PDE4D: variants seen among roughly 807,000 people sequenced by gnomAD.
The protein encoded by PDE4D is phosphodiesterase 4D.
A neutral mutation model predicts 87.4 loss-of-function variants in PDE4D; 24 were observed. The ratio of observed to expected loss-of-function variants is 0.27; its 90% CI spans 0.20 to 0.39. The LOEUF (loss-of-function observed/expected upper bound fraction) is 0.39, where lower values mean the gene tolerates loss of function less well. PDE4D is among the 10% of genes least tolerant of loss of function. The probability of loss-of-function intolerance (pLI) is 1.00; values close to 1 mark genes in which losing one functional copy is unlikely to be tolerated. For missense variants in PDE4D, 714 were observed against 1,041.0 expected (o/e 0.69, Z 4.32); for synonymous variants, 384 against 383.2 (o/e 1.00, Z -0.02).
At chr5:60,227,751 A>G (rs2149614494) in intron 1 of PDE4D, among the ~76,000 whole-genome samples, 1 of 152,162 alleles carries the variant, frequency 6.6e-6, no homozygotes, top group South Asian at 2.1e-4. Flanking sequence ...CACACAAAGG[A>G]TAGATTTATT....
intron 2 of PDE4D, among the ~76,000 whole-genome samples, chr5:60,145,911 T>C (rs1273827395): frequency 6.6e-6 from 1 of 152,202 alleles, no homozygotes; most frequent in Non-Finnish European, 1.5e-5. Context: ...ATCTTTCAAC[T>C]AGGTTATAAA....
intron 5 of PDE4D, among the ~76,000 whole-genome samples, chr5:59,068,460 T>C (rs1177610914): frequency 2.0e-5 from 3 of 152,182 alleles, no homozygotes; most frequent in East Asian, 1.9e-4. Context: ...CACTGACAGA[T>C]GCTGGATTCA....
At chr5:60,442,741 C>T (rs567660465) in intron 1 of PDE4D, among the ~76,000 whole-genome samples, 16 of 152,168 alleles carry the variant, frequency 1.1e-4, no homozygotes, top group African/African-American at 3.9e-4. Context: ...CAGCAAACAA[C>T]TCATTCTTAG....
intron 1 of PDE4D, among the ~76,000 whole-genome samples, chr5:59,553,321 G>A (rs917729883): frequency 6.6e-6 from 1 of 152,074 alleles, no homozygotes; most frequent in Non-Finnish European, 1.5e-5. Context: ...ATTTTAGGAG[G>A]TGAGAAATAA....
chr5:60,186,007 T>C (rs2149511424), intron 1 of PDE4D, among the ~76,000 whole-genome samples: 1 of 151,586 alleles, frequency 6.6e-6, no homozygotes, highest in South Asian at 2.1e-4. Context: ...GCAAACTGAA[T>C]TGTGTATATG....
intron 11 of PDE4D, among the ~76,000 whole-genome samples, chr5:58,982,320 C>G (rs535094341): frequency 2.0e-5 from 3 of 152,248 alleles, no homozygotes; most frequent in Admixed American, 6.5e-5. Flanking sequence ...TGCCTCCTAG[C>G]TGAGTAACTG....
chr5:59,168,960 G>T (rs1782324151), intron 5 of PDE4D, among the ~76,000 whole-genome samples: 1 of 152,168 alleles, frequency 6.6e-6, no homozygotes, highest in African/African-American at 2.4e-5. Context: ...GGTTTAAAAA[G>T]ATTACTCATC....
chr5:60,503,944 C>T (rs1329764903), intron 1 of PDE4D, among the ~76,000 whole-genome samples: 1 of 152,072 alleles, frequency 6.6e-6, no homozygotes, highest in Non-Finnish European at 1.5e-5. Context: ...TGACAAGTCA[C>T]ATGATAAGCA....
At chr5:60,254,922 A>C (rs974513206) in intron 1 of PDE4D, among the ~76,000 whole-genome samples, 1 of 151,900 alleles carries the variant, frequency 6.6e-6, no homozygotes, top group African/African-American at 2.4e-5. Flanking sequence ...TAATACAGCT[A>C]TTAATATACA....
At chr5:59,304,344 G>C (rs1431161961) in intron 1 of PDE4D, among the ~76,000 whole-genome samples, 1 of 152,080 alleles carries the variant, frequency 6.6e-6, no homozygotes, top group Non-Finnish European at 1.5e-5. Flanking sequence ...TCAGCAAACA[G>C]TGACAGTTTG....
chr5:59,983,277 C>T (rs1176479700), intron 3 of PDE4D, among the ~76,000 whole-genome samples: 1 of 152,108 alleles, frequency 6.6e-6, no homozygotes, highest in Admixed American at 6.6e-5. Flanking sequence ...AGTGAAATTG[C>T]TCTGCAGGTT....
chr5:59,105,613 T>C (rs1401271393), intron 5 of PDE4D, among the ~76,000 whole-genome samples: 1 of 152,178 alleles, frequency 6.6e-6, no homozygotes, highest in Non-Finnish European at 1.5e-5. Context: ...TAATTGTTAA[T>C]AGTATTATAA....
At chr5:59,658,295 T>C (rs1458404319) in intron 1 of PDE4D, among the ~76,000 whole-genome samples, 1 of 152,056 alleles carries the variant, frequency 6.6e-6, no homozygotes, top group African/African-American at 2.4e-5. Context: ...GTCTCACACC[T>C]AGAAAGTGTT....
chr5:59,876,145 T>C (rs1004954132), intron 1 of PDE4D, among the ~76,000 whole-genome samples: 1 of 152,216 alleles, frequency 6.6e-6, no homozygotes, highest in Non-Finnish European at 1.5e-5. Context: ...ATATATTCTA[T>C]AACTTTTCTA....
intron 3 of PDE4D, among the ~76,000 whole-genome samples, chr5:59,973,629 G>T (rs759469649): frequency 2.0e-5 from 3 of 152,066 alleles, no homozygotes; most frequent in Non-Finnish European, 4.4e-5. Flanking sequence ...AAAATAAGAA[G>T]ATATGAGTCT....
intron 1 of PDE4D, among the ~76,000 whole-genome samples, chr5:59,747,896 A>G (rs781179387): frequency 6.6e-6 from 1 of 152,124 alleles, no homozygotes; most frequent in Non-Finnish European, 1.5e-5. Context: ...TCTCATGATC[A>G]AATGTCCCCT....
chr5:59,152,835 G>T (rs1462222778), intron 5 of PDE4D, among the ~76,000 whole-genome samples: 1 of 152,004 alleles, frequency 6.6e-6, no homozygotes, highest in East Asian at 1.9e-4. Flanking sequence ...CAGTCCAGGG[G>T]CTGGTGTTGA....
At chr5:59,518,223 A>G (rs1019068647) in intron 1 of PDE4D, among the ~76,000 whole-genome samples, 3 of 146,632 alleles carry the variant, frequency 2.0e-5, no homozygotes, top group South Asian at 2.2e-4. Flanking sequence ...GTGTGTGTGT[A>G]TAAAATTTAC....
chr5:59,625,458 AAC>A (rs1262034916), intron 1 of PDE4D, among the ~76,000 whole-genome samples: 1 of 152,112 alleles, frequency 6.6e-6, no homozygotes, highest in African/African-American at 2.4e-5. Context: ...TGAGCACATA[AAC>A]CAGCCCTGTT....
Sources: allele counts gnomAD v4.1 joint callset (sites outside exome capture counted in the v4.1 genomes callset), GRCh38; gene constraint gnomAD v4.1.1; transcripts MANE v1.5; gene names NCBI Gene and HGNC (gene_info 2026-07-23, HGNC 2026-07-21).